The following FBXL7 variants were observed in gnomAD, a reference collection of about 807,000 sequenced individuals.
FBXL7 encodes the protein F-box/LRR-repeat protein 7.
A neutral mutation model predicts 38.3 loss-of-function variants in FBXL7; 12 were observed. The observed-to-expected ratio is 0.31, with a 90% CI of 0.20 to 0.51. FBXL7 has a LOEUF of 0.51. Among genes scored for constraint, FBXL7 ranks in the 20% least tolerant of loss-of-function variants. The pLI, the probability that FBXL7 is intolerant of heterozygous loss-of-function variation, is 0.98. For missense variants in FBXL7, 567 were observed against 676.4 expected (o/e 0.84, Z 1.79); for synonymous variants, 297 against 300.9 (o/e 0.99, Z 0.13).
rs536730308 is a variant in FBXL7, at chr5:15,796,612, G to A, written c.128-131278G>A. Reference sequence around the variant, plus strand: ...ACAGGTAATTGCAGGAGAGAAAAACGTCAAAGCAGTCAGGTTTTATACCCT... The same window carrying A: ...ACAGGTAATTGCAGGAGAGAAAAACATCAAAGCAGTCAGGTTTTATACCCT... On this transcript the variant is annotated intron_variant, in intron 2 of 3. Coordinates refer to ENST00000504595, the MANE Select transcript of FBXL7 (RefSeq NM_012304.5). Among the ~76,000 whole-genome samples, 454 of 152,252 alleles carry A rather than the reference G, an allele frequency of 3.0e-3. 1 individual carries two copies. The highest frequency in any genetic ancestry group is 0.02 in the Middle Eastern group (6 of 294).
In FBXL7 at chr5:15,774,328, CTTGATCTACACGT is replaced by C. The variant is rs534808038; in HGVS notation, c.128-153560_128-153548del. On this transcript the variant is annotated intron_variant, in intron 2 of 3. Coordinates refer to ENST00000504595, the MANE Select transcript of FBXL7 (RefSeq NM_012304.5). ...AACTTTCTCCTCTCAATACTCTTAA[CTTGATCTACACGT>C]TCCATTTTACCAGGGGAAGAAGCAT... 4.3e-4 allele frequency among the ~76,000 whole-genome samples: 66 copies of C among 151,874 alleles called. 1 individual carries two copies. The highest frequency in any genetic ancestry group is 1.5e-3 in the African/African-American group (64 of 41,400).
intron 1 of FBXL7, among the ~76,000 whole-genome samples, chr5:15,522,749 G>A (rs1300998933): frequency 6.6e-6 from 1 of 152,214 alleles, no homozygotes; most frequent in Non-Finnish European, 1.5e-5. Context: ...GCTACTGTCA[G>A]CTTTAAAATG....
intron 2 of FBXL7, among the ~76,000 whole-genome samples, chr5:15,634,811 C>G (rs984554998): frequency 6.6e-6 from 1 of 152,146 alleles, no homozygotes; most frequent in Non-Finnish European, 1.5e-5. Flanking sequence ...TCTTTCCCAT[C>G]TAGTTTCATG....
intron 2 of FBXL7, among the ~76,000 whole-genome samples, chr5:15,628,080 C>T (rs796564724): frequency 2.0e-5 from 3 of 152,028 alleles, no homozygotes; most frequent in African/African-American, 2.4e-5. Flanking sequence ...AGAATTGTAA[C>T]GGGTGAAGTC....
chr5:15,845,984 T>TA (rs1342976087), intron 2 of FBXL7, among the ~76,000 whole-genome samples: 1 of 152,058 alleles, frequency 6.6e-6, no homozygotes, highest in East Asian at 1.9e-4. Flanking sequence ...AAAATAAAAA[T>TA]AAAAATACAT....
intron 2 of FBXL7, among the ~76,000 whole-genome samples, chr5:15,684,002 ATT>A (rs1236648376): frequency 6.6e-6 from 1 of 152,182 alleles, no homozygotes; most frequent in Non-Finnish European, 1.5e-5. Flanking sequence ...TAAAAATTAA[ATT>A]ATTTTAATAA....
chr5:15,511,521 C>T (rs530525460), intron 1 of FBXL7, among the ~76,000 whole-genome samples: 2 of 152,204 alleles, frequency 1.3e-5, no homozygotes, highest in Non-Finnish European at 2.9e-5. Flanking sequence ...CCTCTGGTTT[C>T]AAAGCTACAA....
intron 2 of FBXL7, among the ~76,000 whole-genome samples, chr5:15,863,457 C>T (rs763190673): frequency 6.6e-5 from 10 of 152,120 alleles, no homozygotes; most frequent in Non-Finnish European, 1.0e-4. Flanking sequence ...ATGTGATCCA[C>T]GTGGGCTAGG....
intron 1 of FBXL7, among the ~76,000 whole-genome samples, chr5:15,525,054 G>A (rs1737212281): frequency 6.6e-6 from 1 of 152,206 alleles, no homozygotes; most frequent in Admixed American, 6.5e-5. Context: ...TCACTTATGA[G>A]TGATGTGACC....
chr5:15,809,498 G>A (rs1289304752), intron 2 of FBXL7, among the ~76,000 whole-genome samples: 6 of 152,118 alleles, frequency 3.9e-5, no homozygotes, highest in Admixed American at 1.3e-4. Flanking sequence ...TAGGGGATAC[G>A]TAAGGTTTTG....
chr5:15,914,084 A>T (rs1741516903), intron 2 of FBXL7, among the ~76,000 whole-genome samples: 1 of 152,226 alleles, frequency 6.6e-6, no homozygotes, highest in Non-Finnish European at 1.5e-5. Flanking sequence ...TATCGTTGTT[A>T]TTAGAAATGA....
intron 2 of FBXL7, among the ~76,000 whole-genome samples, chr5:15,905,604 T>TAAC (rs143305473): frequency 9.8e-4 from 149 of 152,188 alleles, no homozygotes; most frequent in Non-Finnish European, 1.9e-3. Context: ...CAAACAAATG[T>TAAC]AACAACAACA....
At chr5:15,680,069 T>C (rs1288579435) in intron 2 of FBXL7, among the ~76,000 whole-genome samples, 1 of 152,194 alleles carries the variant, frequency 6.6e-6, no homozygotes, top group Non-Finnish European at 1.5e-5. Flanking sequence ...GTATCTACAT[T>C]CAGAATTCAA....
intron 2 of FBXL7, among the ~76,000 whole-genome samples, chr5:15,860,432 A>G (rs1366810011): frequency 5.9e-5 from 9 of 152,208 alleles, no homozygotes; most frequent in Non-Finnish European, 1.0e-4. Context: ...AAAGAAGTCC[A>G]GTGCATCCAG....
chr5:15,855,341 G>A, intron 2 of FBXL7, among the ~76,000 whole-genome samples: 1 of 152,064 alleles, frequency 6.6e-6, no homozygotes, highest in Non-Finnish European at 1.5e-5. Context: ...CCTTTCAGAC[G>A]TTTTTCTGCA....
At chr5:15,889,909 A>C (rs1286681899) in intron 2 of FBXL7, among the ~76,000 whole-genome samples, 1 of 152,236 alleles carries the variant, frequency 6.6e-6, no homozygotes, top group Non-Finnish European at 1.5e-5. Flanking sequence ...AAACAAAAAA[A>C]ACCAGGTGCT....
At position 15,787,024 on chromosome 5, in the gene FBXL7, C is replaced by A. The variant is rs112065644; in HGVS notation, c.128-140866C>A. 7.3e-3 allele frequency among the ~76,000 whole-genome samples: 1,108 copies of A among 152,270 alleles called. 13 individuals carry two copies. Among genetic ancestry groups the A allele is most frequent in the African/African-American group, 0.025 (1,035 of 41,562 alleles). On this transcript the variant is annotated intron_variant, in intron 2 of 3. Transcript: ENST00000504595. ...TCTATGTGAAGACAGAGGCAGAGAT[C>A]AGAGTGATGCAGCCACAAATCAAGG...
chr5:15,912,949 A>T (rs771584019), intron 2 of FBXL7, among the ~76,000 whole-genome samples: 1 of 152,190 alleles, frequency 6.6e-6, no homozygotes, highest in Non-Finnish European at 1.5e-5. Context: ...ATCAGAGCCC[A>T]GCGTGCTGCA....
At chr5:15,663,170 T>C (rs989482142) in intron 2 of FBXL7, among the ~76,000 whole-genome samples, 8 of 152,212 alleles carry the variant, frequency 5.3e-5, no homozygotes, top group Admixed American at 2.0e-4. Context: ...TCTTCTCTAA[T>C]TTCTTTGAGC....
Sources: allele counts gnomAD v4.1 joint callset (sites outside exome capture counted in the v4.1 genomes callset), GRCh38; gene constraint gnomAD v4.1.1; transcripts MANE v1.5; gene names NCBI Gene and HGNC (gene_info 2026-07-23, HGNC 2026-07-21).